Variants in BPIFC observed in about 807,000 individuals in gnomAD.
BPIFC encodes BPI fold containing family C, also known as BPI fold-containing family C protein.
A neutral mutation model predicts 57.6 loss-of-function variants in BPIFC; 60 were observed. That is an observed-to-expected ratio of 1.04 (90% CI 0.85 to 1.29). The LOEUF (loss-of-function observed/expected upper bound fraction) is 1.29, where lower values mean the gene tolerates loss of function less well. Among genes scored for constraint, BPIFC ranks in the 50% most tolerant of loss-of-function variants. The probability of loss-of-function intolerance (pLI) is 0.00; values close to 1 mark genes in which losing one functional copy is unlikely to be tolerated. For missense variants in BPIFC, 581 were observed against 600.5 expected, an observed-to-expected ratio of 0.97 and a Z score of 0.34; for synonymous variants, 243 against 224.5, an observed-to-expected ratio of 1.08 and a Z score of -0.74.
intron 13 of BPIFC, among the ~76,000 whole-genome samples, chr22:32,424,645 T>TCCTCC (rs1569447942): frequency 3.3e-5 from 1 of 29,912 alleles, no homozygotes; most frequent in African/African-American, 3.4e-4. Context: ...TCTTCTTCTC[T>TCCTCC]TCTTCTTCTT....
At chr22:32,442,616 C>G (rs1301776956) in intron 8 of BPIFC, 55 bp downstream of exon 8, 1 of 1,549,854 alleles carries the variant, frequency 6.5e-7, no homozygotes, top group Non-Finnish European at 8.9e-7. Flanking sequence ...CCAGGCAGTA[C>G]CAGCTTTTGA....
chr22:32,430,998 A>G (rs568360175), intron 13 of BPIFC, among the ~76,000 whole-genome samples: 1 of 152,272 alleles, frequency 6.6e-6, no homozygotes, highest in Admixed American at 6.5e-5. Context: ...TTATGTTACT[A>G]TAATGGAAAA....
intron 16 of BPIFC, 98 bp from the exon 17 acceptor site, chr22:32,414,523 TAA>T: frequency 7.0e-7 from 1 of 1,424,256 alleles, no homozygotes. Context: ...TTTATTATTT[TAA>T]TTTTGAGATG....
chr22:32,441,923 C>G (rs1934576315), intron 8 of BPIFC, among the ~76,000 whole-genome samples: 1 of 152,170 alleles, frequency 6.6e-6, no homozygotes, highest in East Asian at 1.9e-4. Context: ...ACCTAGATCC[C>G]TCGCATGCAC....
intron 13 of BPIFC, among the ~76,000 whole-genome samples, chr22:32,424,771 T>C (rs191188694): frequency 2.3e-4 from 29 of 128,696 alleles, no homozygotes; most frequent in African/African-American, 9.8e-4. Context: ...CTTCTTCTTC[T>C]TCTTCTTCTT....
In BPIFC at chr22:32,446,036, G is replaced by A. The variant is rs1183294283; in HGVS notation, c.375-40C>T. The A allele has an allele frequency of 3.1e-6, 5 of 1,603,854 alleles. 1 individual carries two copies. The highest frequency in any genetic ancestry group is 3.4e-4 in the Middle Eastern group (2 of 5,888). On this transcript the variant is annotated intron_variant, in intron 5 of 16. Transcript: ENST00000300399. ...GCAAGGTTATCCAAGCCTGAGTCAG[G>A]CACAGAGATGGATCTTGTTTCTCTG...
At chr22:32,462,811 C>A (rs1006040842) in intron 1 of BPIFC, among the ~76,000 whole-genome samples, 3 of 152,152 alleles carry the variant, frequency 2.0e-5, no homozygotes, top group Admixed American at 2.0e-4. Context: ...TGCTTGACAC[C>A]ATTTTCCTTT....
intron 10 of BPIFC, among the ~76,000 whole-genome samples, 186 bp downstream of exon 10, chr22:32,435,518 G>C (rs571228007): frequency 6.6e-6 from 1 of 152,114 alleles, no homozygotes; most frequent in Non-Finnish European, 1.5e-5. Context: ...AAGCATTTTG[G>C]ATAAGGGATG....
At chr22:32,418,461 C>CCTGG (rs750995992) in intron 14 of BPIFC, among the ~76,000 whole-genome samples, 14 of 152,100 alleles carry the variant, frequency 9.2e-5, no homozygotes, top group Non-Finnish European at 1.9e-4. Context: ...TAGCAGCATC[C>CCTGG]CTGGCCTCTA....
At chr22:32,436,340 A>AGAGGAGGAG (rs1264989970) in intron 9 of BPIFC, among the ~76,000 whole-genome samples, 10 of 119,816 alleles carry the variant, frequency 8.3e-5, no homozygotes, top group South Asian at 3.4e-4. Flanking sequence ...AGAAGAAAGA[A>AGAGGAGGAG]GAGGAAGAGG....
intron 13 of BPIFC, among the ~76,000 whole-genome samples, chr22:32,421,698 G>C (rs900653391): frequency 6.6e-5 from 10 of 152,216 alleles, no homozygotes; most frequent in Non-Finnish European, 1.2e-4. Context: ...ACTGGGACAG[G>C]TGCTAGAGAT....
At chr22:32,419,451 T>G (rs1314146486) in intron 13 of BPIFC, 47 bp from the exon 14 acceptor site, 1 of 1,538,378 alleles carries the variant, frequency 6.5e-7, no homozygotes, top group South Asian at 1.2e-5. Flanking sequence ...ACAACAGCCT[T>G]AGTAGAAAGA....
At chr22:32,437,665 A>T in intron 9 of BPIFC, 95 bp downstream of exon 9, 1 of 885,366 alleles carries the variant, frequency 1.1e-6, no homozygotes, top group Non-Finnish European at 1.8e-6. Context: ...TGCTGGGATT[A>T]CAGGTGTGAG....
intron 7 of BPIFC, 55 bp from the exon 8 acceptor site, chr22:32,442,786 C>A: frequency 1.9e-6 from 3 of 1,539,276 alleles, no homozygotes; most frequent in Non-Finnish European, 2.7e-6. Context: ...TACTGGAAAG[C>A]CTTATTGATG....
chr22:32,420,914 G>A (rs1933830080), intron 13 of BPIFC, among the ~76,000 whole-genome samples: 1 of 152,166 alleles, frequency 6.6e-6, no homozygotes, highest in African/African-American at 2.4e-5. Flanking sequence ...ATGAAATGAT[G>A]CACATAAAAT....
intron 13 of BPIFC, among the ~76,000 whole-genome samples, chr22:32,423,430 A>T (rs1375071521): frequency 6.6e-6 from 1 of 152,118 alleles, no homozygotes; most frequent in Admixed American, 6.6e-5. Flanking sequence ...CCAGGTGCCA[A>T]GTCTGAGCTC....
Position 32,435,722 on chromosome 22 carries a change from G to T in BPIFC, c.906C>A (p.Val302=), listed in dbSNP as rs1295992080. The T allele has an allele frequency of 6.2e-7, 1 of 1,613,830 alleles. No homozygotes were observed. Among genetic ancestry groups the T allele is most frequent in the Non-Finnish European group, 8.5e-7 (1 of 1,179,966 alleles). Reference sequence around the variant, plus strand: ...TCCTCACCTCTTCGGTGGAGAGAGTGACATTGAAAACCCCAGCTGTGAAAT... The same window carrying T: ...TCCTCACCTCTTCGGTGGAGAGAGTTACATTGAAAACCCCAGCTGTGAAAT... ...FAHFTAGVFN[V]TLSTEEISNH... Residue 302 remains valine (V), a synonymous_variant, in exon 10 of 17, where the codon GTC becomes GTA. Coordinates refer to ENST00000300399, the MANE Select transcript of BPIFC (RefSeq NM_174932.3).
chr22:32,427,922 G>A (rs1235441695), intron 13 of BPIFC, among the ~76,000 whole-genome samples: 1 of 152,184 alleles, frequency 6.6e-6, no homozygotes, highest in Non-Finnish European at 1.5e-5. Flanking sequence ...GGGAGGCAGA[G>A]GTTGCAGTAA....
At chr22:32,453,636 T>G in intron 3 of BPIFC, 133 bp from the exon 4 acceptor site, 1 of 1,144,254 alleles carries the variant, frequency 8.7e-7, no homozygotes, top group South Asian at 2.1e-5. Context: ...CCCCACAAAG[T>G]GGGTATTATT....
Sources: allele counts gnomAD v4.1 joint callset (sites outside exome capture counted in the v4.1 genomes callset), GRCh38; gene constraint gnomAD v4.1.1; transcripts MANE v1.5; gene names NCBI Gene and HGNC (gene_info 2026-07-23, HGNC 2026-07-21).